SYNE1: variants seen among roughly 807,000 people sequenced by gnomAD.
The protein encoded by SYNE1 is nesprin-1.
SYNE1 carries 616 observed loss-of-function variants against 1,111.0 expected under a neutral mutation model. That is an observed-to-expected ratio of 0.55 (90% confidence interval 0.52 to 0.59). The LOEUF (loss-of-function observed/expected upper bound fraction) is 0.59, where lower values mean the gene tolerates loss of function less well. SYNE1 is among the 20% of genes least tolerant of loss of function. The pLI is 0.00. For synonymous variants in SYNE1, 3,855 were observed against 3,825.8 expected (o/e 1.01, Z -0.28); for missense variants, 10,006 against 10,417.0 (o/e 0.96, Z 1.72).
intron 131 of SYNE1, among the ~76,000 whole-genome samples, chr6:152,163,501 GAAAA>G (rs35413195): frequency 8.7e-6 from 1 of 114,680 alleles, no homozygotes; most frequent in Admixed American, 9.6e-5. Flanking sequence ...TCTGTCTCAG[GAAAA>G]AAAAAAAAAA....
intron 115 of SYNE1, among the ~76,000 whole-genome samples, chr6:152,230,249 T>G (rs1187974775): frequency 6.6e-6 from 1 of 152,140 alleles, no homozygotes; most frequent in Non-Finnish European, 1.5e-5. Context: ...TTGCCCAGGC[T>G]GCAAATCTTG....
rs746159592 is a variant in SYNE1, at chr6:152,132,212, A to G, written c.26004T>C (p.Asp8668=). ...CATCAGCAGAAGACCAGGAAGACAA[A>G]TCCTATGTGGGAGAAAGATTCTTTT... ...KLLDVSSSQQ[D]LSSWSSADEL... The change falls in exon 144 of 146, where the codon GAT becomes GAC. Residue 8668 remains aspartate, a splice_region_variant and synonymous_variant. Transcript: ENST00000367255. 1.5e-5 allele frequency: 25 copies of G among 1,614,010 alleles called. No homozygotes were observed. In the South Asian group the frequency reaches 2.6e-4, roughly 17 times the overall value.
At chr6:152,212,117 C>T (rs1320204932) in intron 123 of SYNE1, among the ~76,000 whole-genome samples, 1 of 152,032 alleles carries the variant, frequency 6.6e-6, no homozygotes, top group Non-Finnish European at 1.5e-5. Context: ...TTTTAAACAA[C>T]TTTATTGAGT....
At chr6:152,573,762 A>C (rs1184698696) in intron 3 of SYNE1, among the ~76,000 whole-genome samples, 1 of 152,180 alleles carries the variant, frequency 6.6e-6, no homozygotes, top group Non-Finnish European at 1.5e-5. Context: ...AATTAGGTTA[A>C]TTATTTTTTA....
Position 152,456,740 on chromosome 6 carries a change from C to T in SYNE1, c.2569-696G>A, listed in dbSNP as rs1201122661. On this transcript the variant is annotated intron_variant, in intron 22 of 145. Transcript: ENST00000367255. ...TAGACAGCATGGAAATCATTGAGCC[C>T]AGCACAAGGCAGAGGGTCATTTTTT... The T allele has an allele frequency of 8.9e-6, 4 of 449,876 alleles. No individual in the cohort carries two copies. The Admixed American group carries it at 9.7e-5, about 11-fold the overall frequency. 27.9% of individuals were successfully genotyped at this position (449,876 alleles called of 1,614,324 possible). A position where few individuals can be genotyped will look rare whatever the true frequency, so the allele number is the denominator to read the frequency against.
intron 3 of SYNE1, among the ~76,000 whole-genome samples, chr6:152,619,046 T>TCTCTCA (rs369313606): frequency 7.4e-6 from 1 of 135,682 alleles, no homozygotes; most frequent in Non-Finnish European, 1.6e-5. Flanking sequence ...GGTGTGAGAA[T>TCTCTCA]CACACACACA....
intron 89 of SYNE1, among the ~76,000 whole-genome samples, 156 bp downstream of exon 89, chr6:152,310,240 G>A (rs575998427): frequency 2.0e-5 from 3 of 152,090 alleles, no homozygotes; most frequent in South Asian, 2.1e-4. Flanking sequence ...TCAGGAGTTC[G>A]AGACCAGCCT....
In SYNE1 at chr6:152,316,914, A is replaced by C. The variant is rs779388666; in HGVS notation, c.16645T>G (p.Leu5549Val). The C allele has an allele frequency of 6.2e-7, 1 of 1,614,170 alleles. No individual in the cohort carries two copies. The change falls in exon 87 of 146, where the codon TTG becomes GTG. Residue 5549 changes from leucine (L) to valine (V), a missense_variant. Leu to Val is a conservative substitution (Grantham distance 32). Coordinates refer to ENST00000367255, the MANE Select transcript of SYNE1 (RefSeq NM_182961.4). ...ILKWIEKAKVLAHGTIAWNSA... is the reference protein window; with the variant it reads ...ILKWIEKAKVVAHGTIAWNSA... ...TTCCATGCAATAGTTCCATGAGCCAAGACTTTAGCTTTTTCAATCCACTTC... is the reference window on the plus strand; with the variant it reads ...TTCCATGCAATAGTTCCATGAGCCACGACTTTAGCTTTTTCAATCCACTTC...
At chr6:152,142,743 C>T (rs1029805098) in intron 138 of SYNE1, among the ~76,000 whole-genome samples, 4 of 152,114 alleles carry the variant, frequency 2.6e-5, no homozygotes, top group African/African-American at 9.7e-5. Flanking sequence ...GTATAATAGG[C>T]CAAACTGAAC....
intron 8 of SYNE1, among the ~76,000 whole-genome samples, chr6:152,509,600 C>T (rs899200865): frequency 2.6e-5 from 4 of 151,904 alleles, no homozygotes; most frequent in Admixed American, 1.3e-4. Context: ...TAAATGTATA[C>T]ACATGTAAAT....
At chr6:152,375,181 G>T (rs1050039434) in intron 58 of SYNE1, among the ~76,000 whole-genome samples, 6 of 152,104 alleles carry the variant, frequency 3.9e-5, no homozygotes. Context: ...GATCTTAAGT[G>T]ATCCACCCAC....
At chr6:152,265,965 T>C (rs1480846593) in intron 100 of SYNE1, among the ~76,000 whole-genome samples, 1 of 152,096 alleles carries the variant, frequency 6.6e-6, no homozygotes, top group Non-Finnish European at 1.5e-5. Flanking sequence ...TTTATATATA[T>C]ATACATATAT....
At chr6:152,476,153 G>A (rs1213345497) in intron 14 of SYNE1, among the ~76,000 whole-genome samples, 2 of 151,970 alleles carry the variant, frequency 1.3e-5, no homozygotes, top group Non-Finnish European at 2.9e-5. Context: ...CAATGACTCC[G>A]AATTTTTATC....
intron 59 of SYNE1, among the ~76,000 whole-genome samples, chr6:152,372,312 A>G (rs2097204205): frequency 6.6e-6 from 1 of 152,182 alleles, no homozygotes; most frequent in African/African-American, 2.4e-5. Context: ...ATAATTGAGG[A>G]AATACACATT....
chr6:152,375,098 G>A (rs1202155033), intron 58 of SYNE1, among the ~76,000 whole-genome samples: 3 of 151,772 alleles, frequency 2.0e-5, no homozygotes, highest in East Asian at 1.9e-4. Context: ...CTGCCACCAC[G>A]CTTGGCTAAT....
intron 29 of SYNE1, among the ~76,000 whole-genome samples, chr6:152,446,877 C>T (rs998290887): frequency 1.3e-5 from 2 of 152,090 alleles, no homozygotes; most frequent in South Asian, 4.1e-4. Context: ...ATTTCACTGG[C>T]CTGCTGATTA....
At chr6:152,355,047 C>T in intron 66 of SYNE1, 71 bp from the exon 67 acceptor site, 2 of 1,561,816 alleles carry the variant, frequency 1.3e-6, no homozygotes, top group East Asian at 2.2e-5. Flanking sequence ...ATGTCTTGCC[C>T]AAGCCAACTG....
intron 104 of SYNE1, among the ~76,000 whole-genome samples, chr6:152,250,425 C>T (rs994111060): frequency 2.6e-5 from 4 of 152,082 alleles, no homozygotes; most frequent in Non-Finnish European, 5.9e-5. Flanking sequence ...TTCTGACTGT[C>T]TAATGAGTGG....
chr6:152,334,304 A>T, intron 76 of SYNE1, 31 bp from the exon 77 acceptor site: 2 of 1,610,288 alleles, frequency 1.2e-6, no homozygotes, highest in South Asian at 2.2e-5. Context: ...AAAATATGTA[A>T]TGTGTTAAGA....
Sources: gnomAD v4.1 joint callset for allele counts (sites outside exome capture counted in the v4.1 genomes callset) on GRCh38, gnomAD v4.1.1 for gene constraint, MANE v1.5 for transcripts, NCBI Gene and HGNC (gene_info 2026-07-23, HGNC 2026-07-21) for gene names.